The following BCKDHB variants were observed in gnomAD, a reference collection of about 807,000 sequenced individuals.
BCKDHB encodes the protein branched chain keto acid dehydrogenase E1 subunit beta, also known as 2-oxoisovalerate dehydrogenase subunit beta, mitochondrial.
Under a neutral mutation model 48.5 loss-of-function variants are expected in BCKDHB, and 41 were observed. That is an observed-to-expected ratio of 0.85 (90% CI 0.66 to 1.10). The LOEUF is 1.10. BCKDHB is among the 50% of genes least tolerant of loss of function. The pLI is 0.00. For synonymous variants in BCKDHB, 201 were observed against 174.8 expected (o/e 1.15, Z -1.18); for missense variants, 496 against 494.2 (o/e 1.00, Z -0.03).
At chr6:80,232,651 C>T (rs985658617) in intron 8 of BCKDHB, among the ~76,000 whole-genome samples, 3 of 134,160 alleles carry the variant, frequency 2.2e-5, no homozygotes, top group African/African-American at 8.4e-5. Flanking sequence ...TGTAAATCAC[C>T]TGTAAATAAA....
chr6:80,406,637 G>A, the BCKDHB span, among the ~76,000 whole-genome samples: 1 of 152,130 alleles, frequency 6.6e-6, no homozygotes, highest in African/African-American at 2.4e-5. Flanking sequence ...TGTGTCTGTT[G>A]GCTGCATAAA....
chr6:80,383,929 G>A, the BCKDHB span, among the ~76,000 whole-genome samples: 1 of 152,016 alleles, frequency 6.6e-6, no homozygotes, highest in African/African-American at 2.4e-5. Flanking sequence ...AACAATTATT[G>A]AGAAAATGAT....
rs1049231168 is a variant in BCKDHB at position 80,336,183 on chromosome 6, AT to A, written c.1039-7478del. On this transcript the variant is annotated intron_variant, in intron 9 of 9. Coordinates refer to ENST00000320393, the MANE Select transcript of BCKDHB (RefSeq NM_183050.4). ...TTTAATGTTAAATTTTGATTTTAAAATTTATTTCAGTTTCTATAGGTAATAT... is the reference window on the plus strand; with the variant it reads ...TTTAATGTTAAATTTTGATTTTAAAATTATTTCAGTTTCTATAGGTAATAT... 5.9e-4 allele frequency among the ~76,000 whole-genome samples: 89 copies of A among 151,978 alleles called. 1 individual carries two copies. The highest frequency in any genetic ancestry group is 2.0e-3 in the African/African-American group (85 of 41,532).
intron 8 of BCKDHB, among the ~76,000 whole-genome samples, chr6:80,236,674 A>G (rs1416658679): frequency 2.6e-5 from 4 of 152,192 alleles, no homozygotes; most frequent in Admixed American, 2.0e-4. Flanking sequence ...ACACATACTA[A>G]CAAGGGTTGA....
chr6:80,362,974 T>C, the BCKDHB span, among the ~76,000 whole-genome samples: 1 of 152,184 alleles, frequency 6.6e-6, no homozygotes, highest in Non-Finnish European at 1.5e-5. Flanking sequence ...TTTACATAAT[T>C]AAATGTAGCT....
chr6:80,223,663 A>G (rs1582391019), intron 8 of BCKDHB, among the ~76,000 whole-genome samples: 1 of 152,172 alleles, frequency 6.6e-6, no homozygotes, highest in East Asian at 1.9e-4. Flanking sequence ...GTGGGCAGGA[A>G]AAAAGGAGGC....
At chr6:80,193,444 C>T (rs917866010) in intron 6 of BCKDHB, among the ~76,000 whole-genome samples, 23 of 151,878 alleles carry the variant, frequency 1.5e-4, no homozygotes, top group African/African-American at 5.6e-4. Context: ...CCTGGCCAGG[C>T]GTGATGGCTC....
At chr6:80,397,346 C>T in the BCKDHB span, among the ~76,000 whole-genome samples, 1 of 152,072 alleles carries the variant, frequency 6.6e-6, no homozygotes, top group Non-Finnish European at 1.5e-5. Flanking sequence ...TTTGTCTACT[C>T]ATATTGCTAC....
At chr6:80,207,649 T>C (rs12529575) in intron 8 of BCKDHB, among the ~76,000 whole-genome samples, 2,793 of 151,660 alleles carry the variant, frequency 0.018, 38 homozygotes, top group Non-Finnish European at 0.029. Flanking sequence ...ACTTTAAATA[T>C]AAGGACATCA....
At chr6:80,383,628 CT>C in the BCKDHB span, among the ~76,000 whole-genome samples, 1 of 151,488 alleles carries the variant, frequency 6.6e-6, no homozygotes, top group Admixed American at 6.6e-5. Flanking sequence ...AATCCAAGTT[CT>C]TTTTTTTCAA....
intron 3 of BCKDHB, 111 bp downstream of exon 3, chr6:80,129,340 A>G: frequency 1.2e-6 from 1 of 840,378 alleles, no homozygotes; most frequent in Non-Finnish European, 2.0e-6. Context: ...GTATGGATGA[A>G]TTCCTTTTCA....
At chr6:80,353,411 C>T in the BCKDHB span, among the ~76,000 whole-genome samples, 1 of 152,184 alleles carries the variant, frequency 6.6e-6, no homozygotes, top group Admixed American at 6.5e-5. Context: ...AGTGTGATCA[C>T]TGGATTGAAT....
intron 1 of BCKDHB, among the ~76,000 whole-genome samples, chr6:80,112,613 G>A (rs143285738): frequency 5.1e-4 from 78 of 152,340 alleles, no homozygotes; most frequent in Middle Eastern, 3.4e-3. Context: ...TCCAACTGCT[G>A]CAGCAACAAA....
chr6:80,257,586 G>A (rs1033119568), intron 8 of BCKDHB, among the ~76,000 whole-genome samples: 2 of 151,914 alleles, frequency 1.3e-5, no homozygotes, highest in Admixed American at 6.6e-5. Flanking sequence ...TAAGGGGTTC[G>A]TTTTATGTGC....
intron 8 of BCKDHB, among the ~76,000 whole-genome samples, chr6:80,239,471 T>G (rs1289467493): frequency 1.3e-5 from 2 of 152,222 alleles, no homozygotes; most frequent in Non-Finnish European, 2.9e-5. Flanking sequence ...CTTGTAAATT[T>G]TTTTAAGTTC....
chr6:80,331,956 G>GT (rs1769332123), intron 9 of BCKDHB, among the ~76,000 whole-genome samples: 3 of 130,376 alleles, frequency 2.3e-5, no homozygotes, highest in African/African-American at 9.2e-5. Flanking sequence ...ATGCTCATTT[G>GT]GGGGGGACTA....
chr6:80,304,893 C>T (rs1048077743), intron 9 of BCKDHB, among the ~76,000 whole-genome samples: 2 of 152,074 alleles, frequency 1.3e-5, no homozygotes, highest in African/African-American at 4.8e-5. Flanking sequence ...AAATTAGAAA[C>T]TTCCTTTACC....
At chr6:80,253,302 A>T (rs1776909071) in intron 8 of BCKDHB, among the ~76,000 whole-genome samples, 1 of 152,234 alleles carries the variant, frequency 6.6e-6, no homozygotes. Context: ...ACCTACAAAC[A>T]TCTGGGAAGT....
At chr6:80,405,934 G>T in the BCKDHB span, among the ~76,000 whole-genome samples, 1 of 152,068 alleles carries the variant, frequency 6.6e-6, no homozygotes, top group Non-Finnish European at 1.5e-5. Flanking sequence ...CCATCAACTT[G>T]TCATTTACAT....
Sources: allele counts gnomAD v4.1 joint callset (sites outside exome capture counted in the v4.1 genomes callset), GRCh38; gene constraint gnomAD v4.1.1; transcripts MANE v1.5; gene names NCBI Gene and HGNC (gene_info 2026-07-23, HGNC 2026-07-21).